Variants in CRACD observed in about 807,000 individuals in gnomAD.
The protein encoded by CRACD is capping protein-inhibiting regulator of actin dynamics.
CRACD carries 56 observed loss-of-function variants against 106.8 expected under a neutral mutation model. The observed-to-expected ratio is 0.52, with a 90% CI of 0.42 to 0.66. The LOEUF is 0.66. CRACD is among the 30% of genes least tolerant of loss of function. CRACD has a pLI of 0.00. For missense variants in CRACD, 1,730 were observed against 1,623.2 expected, an observed-to-expected ratio of 1.07 and a Z score of -1.13; for synonymous variants, 754 against 670.8, an observed-to-expected ratio of 1.12 and a Z score of -1.92.
chr4:56,190,870 C>T (rs984145846), intron 2 of CRACD, among the ~76,000 whole-genome samples: 5 of 151,978 alleles, frequency 3.3e-5, no homozygotes, highest in African/African-American at 1.2e-4. Context: ...AGAGGTGCTC[C>T]GTGAGGGCTA....
intron 1 of CRACD, among the ~76,000 whole-genome samples, chr4:56,099,311 C>G: frequency 6.6e-6 from 1 of 152,134 alleles, no homozygotes; most frequent in Non-Finnish European, 1.5e-5. Flanking sequence ...CCTGTTTCCT[C>G]TGACTCCTTT....
chr4:56,239,995 G>A (rs1003683559), intron 2 of CRACD, among the ~76,000 whole-genome samples: 1 of 151,074 alleles, frequency 6.6e-6, no homozygotes, highest in Non-Finnish European at 1.5e-5. Context: ...TTTTTAACAG[G>A]ACTTTTAAAA....
intron 1 of CRACD, among the ~76,000 whole-genome samples, chr4:56,075,624 C>A (rs905359582): frequency 6.6e-6 from 1 of 152,090 alleles, no homozygotes; most frequent in Non-Finnish European, 1.5e-5. Flanking sequence ...CTCCCTCCCC[C>A]AAACCCCTAG....
In CRACD at chr4:56,120,798, G is replaced by T. The variant is rs548049155; in HGVS notation, c.-335-58486G>T. ...ATCACATTAATGCCAACAGTTAGCAGTTTGGGCCTTGTTTCATATTTCTTT... is the reference window on the plus strand; with the variant it reads ...ATCACATTAATGCCAACAGTTAGCATTTTGGGCCTTGTTTCATATTTCTTT... On this transcript the variant is annotated intron_variant, in intron 1 of 10. Coordinates refer to ENST00000682029, the MANE Select transcript of CRACD (RefSeq NM_001393381.1). 2.0e-5 allele frequency among the ~76,000 whole-genome samples: 3 copies of T among 152,314 alleles called. No individual in the cohort carries two copies. In the East Asian group the frequency reaches 5.8e-4, roughly 29 times the overall value.
rs958665408 is a variant in CRACD, at chr4:56,328,580, C to T, written c.*776C>T. On this transcript the variant is annotated 3_prime_UTR_variant, in exon 11 of 11. Transcript: ENST00000682029. ...TCAGAGCTACAAGTTCACTTTCTGT[C>T]TCTGAGAATCTCCATCTAGGGCAGT... 8.7e-6 allele frequency: 3 copies of T among 343,114 alleles called. No individual in the cohort carries two copies. Among genetic ancestry groups the T allele is most frequent in the Non-Finnish European group, 1.7e-5 (3 of 174,706 alleles). The allele number at this position is 343,114 out of a possible 1,614,324, so 21.3% of individuals were successfully genotyped here.
chr4:56,221,068 T>G (rs1477183657), intron 2 of CRACD, among the ~76,000 whole-genome samples: 1 of 151,850 alleles, frequency 6.6e-6, no homozygotes, highest in East Asian at 1.9e-4. Flanking sequence ...GGAAAGAGGG[T>G]AGGTTAGGGC....
In CRACD at chr4:56,077,418, G is replaced by A. The variant is rs372946613; in HGVS notation, c.-336+28119G>A. 7.1e-4 allele frequency among the ~76,000 whole-genome samples: 108 copies of A among 152,308 alleles called. 1 individual carries two copies. In the Middle Eastern group the frequency reaches 0.01, roughly 14 times the overall value. ...CAAGATGAGATTTGGGTGGGGCACAGCCAAACCATATCATTATGTATACGT... is the reference window on the plus strand; with the variant it reads ...CAAGATGAGATTTGGGTGGGGCACAACCAAACCATATCATTATGTATACGT... On this transcript the variant is annotated intron_variant, in intron 1 of 10. Coordinates refer to ENST00000682029, the MANE Select transcript of CRACD (RefSeq NM_001393381.1).
At chr4:56,214,215 C>T (rs1026371346) in intron 2 of CRACD, among the ~76,000 whole-genome samples, 1 of 152,004 alleles carries the variant, frequency 6.6e-6, no homozygotes, top group African/African-American at 2.4e-5. Flanking sequence ...CACTGTCACT[C>T]CACATAATGA....
chr4:56,284,428 C>T (rs1743214584), intron 3 of CRACD, among the ~76,000 whole-genome samples: 1 of 151,488 alleles, frequency 6.6e-6, no homozygotes, highest in Non-Finnish European at 1.5e-5. Context: ...TCACTATTGT[C>T]AGTAAAATCA....
chr4:56,158,665 T>C (rs1282695647), intron 1 of CRACD, among the ~76,000 whole-genome samples: 2 of 152,154 alleles, frequency 1.3e-5, no homozygotes, highest in Non-Finnish European at 2.9e-5. Flanking sequence ...CGATGATATG[T>C]CAACACAGAG....
intron 2 of CRACD, among the ~76,000 whole-genome samples, chr4:56,183,127 G>A (rs948895118): frequency 6.6e-6 from 1 of 151,298 alleles, no homozygotes; most frequent in African/African-American, 2.5e-5. Flanking sequence ...CAGCTACTCC[G>A]GAGGCTGAGG....
intron 3 of CRACD, among the ~76,000 whole-genome samples, chr4:56,276,984 C>G (rs1742710722): frequency 6.6e-6 from 1 of 152,172 alleles, no homozygotes; most frequent in Non-Finnish European, 1.5e-5. Flanking sequence ...GGAAAGGGTT[C>G]AGGAATGAGG....
At chr4:56,296,124 G>C (rs1452707688) in intron 3 of CRACD, among the ~76,000 whole-genome samples, 1 of 152,164 alleles carries the variant, frequency 6.6e-6, no homozygotes, top group Non-Finnish European at 1.5e-5. Context: ...TGTCACTCAT[G>C]ATGGCAATAC....
intron 2 of CRACD, among the ~76,000 whole-genome samples, chr4:56,243,781 A>G (rs1263887637): frequency 2.0e-5 from 3 of 152,298 alleles, no homozygotes; most frequent in Admixed American, 1.3e-4. Flanking sequence ...AAACAATCCA[A>G]TTACACTCTT....
intron 3 of CRACD, among the ~76,000 whole-genome samples, chr4:56,274,920 T>C (rs1742593529): frequency 6.6e-6 from 1 of 152,164 alleles, no homozygotes; most frequent in Admixed American, 6.5e-5. Flanking sequence ...AGAAATGTAG[T>C]GCATATGCAC....
intron 3 of CRACD, among the ~76,000 whole-genome samples, chr4:56,279,296 G>A (rs1026654129): frequency 2.0e-5 from 3 of 152,024 alleles, no homozygotes; most frequent in Non-Finnish European, 2.9e-5. Context: ...TTCCTATTCG[G>A]CCATCTTGGG....
chr4:56,114,706 AAT>A (rs1560455218), intron 1 of CRACD, among the ~76,000 whole-genome samples: 1 of 152,156 alleles, frequency 6.6e-6, no homozygotes, highest in Admixed American at 6.5e-5. Context: ...AATAAAGTAA[AAT>A]AGAAAAGACT....
chr4:56,148,894 C>T (rs1438725112), intron 1 of CRACD, among the ~76,000 whole-genome samples: 2 of 151,688 alleles, frequency 1.3e-5, no homozygotes, highest in African/African-American at 4.8e-5. Context: ...CGGCTCGCTG[C>T]AACTGCCGCC....
At chr4:56,068,728 C>T in intron 1 of CRACD, among the ~76,000 whole-genome samples, 1 of 151,968 alleles carries the variant, frequency 6.6e-6, no homozygotes, top group Non-Finnish European at 1.5e-5. Flanking sequence ...AAGGTTTTTG[C>T]CCTGACTGAG....
Sources: gnomAD v4.1 joint callset for allele counts (sites outside exome capture counted in the v4.1 genomes callset) on GRCh38, gnomAD v4.1.1 for gene constraint, MANE v1.5 for transcripts, NCBI Gene and HGNC (gene_info 2026-07-23, HGNC 2026-07-21) for gene names.